The following RERE variants were observed in gnomAD, a reference collection of about 807,000 sequenced individuals.
RERE encodes the protein arginine-glutamic acid dipeptide repeats.
In RERE, 40 loss-of-function variants were observed where a neutral mutation model predicts 146.1. That is an observed-to-expected ratio of 0.27 (90% confidence interval 0.21 to 0.36). The LOEUF (loss-of-function observed/expected upper bound fraction) is 0.36. RERE is among the 10% of genes least tolerant of loss of function. RERE has a pLI of 1.00. For missense variants in RERE, 1,933 were observed against 2,138.7 expected (o/e 0.90, Z 1.90); for synonymous variants, 1,003 against 866.0 (o/e 1.16, Z -2.78).
chr1:8,812,049 G>A (rs927292844), intron 1 of RERE, among the ~76,000 whole-genome samples: 7 of 152,140 alleles, frequency 4.6e-5, no homozygotes, highest in Admixed American at 6.6e-5. Flanking sequence ...TGGCTCGTAC[G>A]GCTTAAATTT....
intron 1 of RERE, among the ~76,000 whole-genome samples, chr1:8,813,831 T>C (rs1169683852): frequency 2.0e-5 from 3 of 152,200 alleles, no homozygotes; most frequent in African/African-American, 7.2e-5. Context: ...GCCAGGCTGG[T>C]CTCGAACTCC....
intron 10 of RERE, among the ~76,000 whole-genome samples, chr1:8,472,064 G>A (rs1279485317): frequency 4.6e-5 from 7 of 152,088 alleles, no homozygotes; most frequent in African/African-American, 1.2e-4. Flanking sequence ...TGCCCACCTC[G>A]GCTTCCCAAA....
At chr1:8,806,131 C>T (rs1278490360) in intron 1 of RERE, among the ~76,000 whole-genome samples, 1 of 152,086 alleles carries the variant, frequency 6.6e-6, no homozygotes, top group Non-Finnish European at 1.5e-5. Flanking sequence ...GGATTACAGG[C>T]ATGAGCCACT....
chr1:8,496,541 C>A (rs1557658368), intron 9 of RERE, among the ~76,000 whole-genome samples: 1 of 152,032 alleles, frequency 6.6e-6, no homozygotes. Context: ...ACCCACAAAC[C>A]CATCCAGGGT....
chr1:8,475,717 T>A (rs1220755199), intron 10 of RERE, among the ~76,000 whole-genome samples: 1 of 152,080 alleles, frequency 6.6e-6, no homozygotes, highest in African/African-American at 2.4e-5. Flanking sequence ...AAAAATTTCT[T>A]ATAACCATAA....
chr1:8,671,387 C>T (rs1638713894), intron 1 of RERE, among the ~76,000 whole-genome samples: 1 of 152,156 alleles, frequency 6.6e-6, no homozygotes, highest in South Asian at 2.1e-4. Flanking sequence ...CTATGGACAA[C>T]TTCTGTATTA....
At chr1:8,663,292 T>G (rs577020533) in intron 1 of RERE, among the ~76,000 whole-genome samples, 1 of 152,236 alleles carries the variant, frequency 6.6e-6, no homozygotes, top group Non-Finnish European at 1.5e-5. Context: ...AGGCTATTTG[T>G]TAGGATGTTT....
chr1:8,402,785 T>A (rs1267652506), intron 12 of RERE, among the ~76,000 whole-genome samples: 1 of 152,220 alleles, frequency 6.6e-6, no homozygotes, highest in African/African-American at 2.4e-5. Flanking sequence ...CTTCTTTTCC[T>A]AGCCTCTGAG....
chr1:8,613,090 T>C (rs1646811468), intron 4 of RERE, among the ~76,000 whole-genome samples: 1 of 152,230 alleles, frequency 6.6e-6, no homozygotes, highest in Non-Finnish European at 1.5e-5. Flanking sequence ...CCTCTTCATC[T>C]TACCCATGAA....
Position 8,714,588 on chromosome 1 carries a change from C to A in RERE, c.-144-58147G>T, listed in dbSNP as rs532260476. Among the ~76,000 whole-genome samples, 234 of 152,248 alleles carry A rather than the reference C, an allele frequency of 1.5e-3. 4 individuals carry two copies. Among genetic ancestry groups the A allele is most frequent in the African/African-American group, 5.3e-3 (222 of 41,532 alleles). ...ACTTCACAAACAACAGAGGGAACCCCAACCAAGAAGCCATGAAAAATGATC... is the reference window on the plus strand; with the variant it reads ...ACTTCACAAACAACAGAGGGAACCCAAACCAAGAAGCCATGAAAAATGATC... On this transcript the variant is annotated intron_variant, in intron 1 of 22. Coordinates refer to ENST00000400908, the MANE Select transcript of RERE (RefSeq NM_001042681.2).
At chr1:8,362,087 C>T (rs766016592) in intron 16 of RERE, among the ~76,000 whole-genome samples, 1 of 152,208 alleles carries the variant, frequency 6.6e-6, no homozygotes, top group Non-Finnish European at 1.5e-5. Context: ...TGTGGGTTTG[C>T]ATCCTCAGAT....
intron 12 of RERE, among the ~76,000 whole-genome samples, chr1:8,389,697 C>T (rs1287700014): frequency 2.6e-5 from 4 of 152,226 alleles, no homozygotes; most frequent in African/African-American, 4.8e-5. Flanking sequence ...GGAGCCACCA[C>T]GGAAGGTCGC....
chr1:8,610,328 C>A (rs745372708), intron 4 of RERE, among the ~76,000 whole-genome samples: 6 of 152,174 alleles, frequency 3.9e-5, no homozygotes, highest in South Asian at 2.1e-4. Context: ...CAGTGGCTCA[C>A]GCCTGTAATC....
At chr1:8,540,913 T>G (rs1465618193) in intron 7 of RERE, among the ~76,000 whole-genome samples, 1 of 152,204 alleles carries the variant, frequency 6.6e-6, no homozygotes, top group East Asian at 1.9e-4. Context: ...TCTTAATACT[T>G]AATTCAAAAT....
At chr1:8,552,021 G>A (rs1231344742) in intron 6 of RERE, among the ~76,000 whole-genome samples, 1 of 152,218 alleles carries the variant, frequency 6.6e-6, no homozygotes, top group African/African-American at 2.4e-5. Context: ...TTGAAAGGTA[G>A]AGATAAGGGA....
chr1:8,726,519 TTC>T (rs1412145361), intron 1 of RERE, among the ~76,000 whole-genome samples: 2 of 152,326 alleles, frequency 1.3e-5, no homozygotes, highest in South Asian at 4.1e-4. Context: ...GGCCATATAA[TTC>T]TGATACATTA....
intron 4 of RERE, among the ~76,000 whole-genome samples, chr1:8,558,039 T>C (rs571415005): frequency 3.3e-5 from 5 of 152,322 alleles, no homozygotes; most frequent in Middle Eastern, 3.4e-3. Context: ...CTCCTTCCAC[T>C]GTTTAGCCAC....
chr1:8,613,666 T>C (rs759689706), intron 4 of RERE, among the ~76,000 whole-genome samples: 11 of 152,188 alleles, frequency 7.2e-5, no homozygotes, highest in Non-Finnish European at 1.3e-4. Flanking sequence ...GAGCTTGCTA[T>C]CCTCTTGTAT....
chr1:8,772,462 G>A (rs1640970880), intron 1 of RERE, among the ~76,000 whole-genome samples: 1 of 152,038 alleles, frequency 6.6e-6, no homozygotes. Flanking sequence ...ACTCAACAAG[G>A]AAAATCAGTG....
Sources: gnomAD v4.1 joint callset for allele counts (sites outside exome capture counted in the v4.1 genomes callset) on GRCh38, gnomAD v4.1.1 for gene constraint, MANE v1.5 for transcripts, NCBI Gene and HGNC (gene_info 2026-07-23, HGNC 2026-07-21) for gene names.